The following C1GALT1 variants were observed in gnomAD, a reference collection of about 807,000 sequenced individuals.
The protein encoded by C1GALT1 is core 1 synthase, glycoprotein-N-acetylgalactosamine 3-beta-galactosyltransferase 1.
A neutral mutation model predicts 31.0 loss-of-function variants in C1GALT1; 11 were observed. That is an observed-to-expected ratio of 0.36 (90% CI 0.22 to 0.59). The LOEUF (loss-of-function observed/expected upper bound fraction) is 0.59. Ranked by LOEUF, C1GALT1 falls within the 20% of genes least tolerant of loss-of-function variation. The pLI is 0.79. For synonymous variants in C1GALT1, 175 were observed against 143.6 expected, an observed-to-expected ratio of 1.22 and a Z score of -1.56; for missense variants, 424 against 425.2, an observed-to-expected ratio of 1.00 and a Z score of 0.03.
chr7:7,236,736 G>A (rs751732755), intron 2 of C1GALT1, among the ~76,000 whole-genome samples: 2 of 151,990 alleles, frequency 1.3e-5, no homozygotes, highest in Non-Finnish European at 2.9e-5. Flanking sequence ...ATGTTGGCCA[G>A]GCTGGTCTCG....
chr7:7,184,372 A>G (rs777793962), intron 1 of C1GALT1, among the ~76,000 whole-genome samples: 3 of 152,178 alleles, frequency 2.0e-5, no homozygotes, highest in Non-Finnish European at 4.4e-5. Context: ...CTTCCTACTT[A>G]GGATTAAGCA....
Position 7,246,034 on chromosome 7 carries a change from G to A in C1GALT1, c.*2307G>A, listed in dbSNP as rs964023176. The A allele has an allele frequency of 1.3e-5, 2 of 152,178 alleles. No individual in the cohort carries two copies. The highest frequency in any genetic ancestry group is 1.3e-4 in the Admixed American group (2 of 15,274). 9.4% of individuals were successfully genotyped at this position (152,178 alleles called of 1,614,324 possible). A position where few individuals can be genotyped will look rare whatever the true frequency, so the allele number is the denominator to read the frequency against. ...TATTATTATTCTGTTACCTTGGAGT[G>A]TAAGTACTGCATTTAAGTGAATGAA... On this transcript the variant is annotated 3_prime_UTR_variant, in exon 4 of 4. Transcript: ENST00000436587.
chr7:7,175,166 T>C (rs191496979), intron 2 of C1GALT1, among the ~76,000 whole-genome samples: 1 of 152,330 alleles, frequency 6.6e-6, no homozygotes, highest in East Asian at 1.9e-4. Context: ...GTCAGTTTAT[T>C]TGATGCCTGT....
At chr7:7,196,548 G>C (rs192385500) in intron 1 of C1GALT1, among the ~76,000 whole-genome samples, 2 of 152,290 alleles carry the variant, frequency 1.3e-5, no homozygotes, top group East Asian at 3.9e-4. Context: ...CTTTATAGCA[G>C]CATGATTTGT....
chr7:7,224,365 G>A (rs1300136096), intron 1 of C1GALT1, among the ~76,000 whole-genome samples: 1 of 148,078 alleles, frequency 6.8e-6, no homozygotes, highest in Non-Finnish European at 1.5e-5. Flanking sequence ...TTTTGGAGGA[G>A]ATTGTACAAA....
intron 2 of C1GALT1, among the ~76,000 whole-genome samples, chr7:7,174,832 T>C (rs1780488259): frequency 6.6e-6 from 1 of 152,144 alleles, no homozygotes; most frequent in Non-Finnish European, 1.5e-5. Context: ...TCTCATCTTG[T>C]TCATACATCA....
chr7:7,189,425 A>G (rs938068327), intron 1 of C1GALT1, among the ~76,000 whole-genome samples: 1 of 152,218 alleles, frequency 6.6e-6, no homozygotes, highest in African/African-American at 2.4e-5. Context: ...ATCTGTGTCA[A>G]TAACAGCTGT....
intron 3 of C1GALT1, among the ~76,000 whole-genome samples, chr7:7,243,056 G>C (rs1473532333): frequency 2.0e-5 from 3 of 152,084 alleles, no homozygotes; most frequent in Admixed American, 6.5e-5. Flanking sequence ...TACATATATA[G>C]ATGAAGTGTA....
At chr7:7,226,038 C>G (rs1368587251) in intron 1 of C1GALT1, among the ~76,000 whole-genome samples, 1 of 152,078 alleles carries the variant, frequency 6.6e-6, no homozygotes, top group Non-Finnish European at 1.5e-5. Flanking sequence ...GTCTCATACT[C>G]AGTTTCTTCA....
intron 1 of C1GALT1, among the ~76,000 whole-genome samples, chr7:7,212,955 T>C (rs1343550806): frequency 1.3e-5 from 2 of 152,220 alleles, no homozygotes; most frequent in Admixed American, 1.3e-4. Flanking sequence ...TACAGTAGTA[T>C]ACCTTACTCA....
intron 2 of C1GALT1, among the ~76,000 whole-genome samples, chr7:7,161,764 A>T (rs896379395): frequency 7.2e-5 from 11 of 152,274 alleles, no homozygotes; most frequent in African/African-American, 2.6e-4. Flanking sequence ...TATTAAAAAA[A>T]TTAGAAATAT....
intron 2 of C1GALT1, among the ~76,000 whole-genome samples, chr7:7,161,288 G>GA (rs945108127): frequency 1.3e-5 from 2 of 151,618 alleles, no homozygotes; most frequent in African/African-American, 2.4e-5. Flanking sequence ...TTAACAGTGG[G>GA]AAAAAAAACC....
rs1783875852 is a variant in C1GALT1 at position 7,247,050 on chromosome 7, A to G, written c.*3323A>G. On this transcript the variant is annotated 3_prime_UTR_variant, in exon 4 of 4. Coordinates refer to ENST00000436587, the MANE Select transcript of C1GALT1 (RefSeq NM_020156.5). ...AGTACTAATAAGTACATAATTTATT[A>G]AAAACATACATAAGTGTCATCAAAA... is the stretch of plus-strand genomic sequence containing the variant. 1 of 152,198 alleles carries G rather than the reference A, an allele frequency of 6.6e-6. No homozygotes were observed. The highest frequency in any genetic ancestry group is 2.1e-4 in the South Asian group (1 of 4,834). The allele number at this position is 152,198 out of a possible 1,614,324, so 9.4% of individuals were successfully genotyped here. A position where few individuals can be genotyped will look rare whatever the true frequency, so the allele number is the denominator to read the frequency against.
chr7:7,174,974 C>A (rs559049815), intron 2 of C1GALT1, among the ~76,000 whole-genome samples: 147 of 152,146 alleles, frequency 9.7e-4, no homozygotes, highest in African/African-American at 3.4e-3. Context: ...GGGACAGTTT[C>A]TATCCATTTA....
chr7:7,201,121 C>T (rs563176064), intron 1 of C1GALT1, among the ~76,000 whole-genome samples: 1 of 152,168 alleles, frequency 6.6e-6, no homozygotes, highest in South Asian at 2.1e-4. Context: ...TGGTTTCTCC[C>T]CATCTTTGTG....
rs1390251576 is a variant in C1GALT1 at position 7,182,556 on chromosome 7, G to C, written c.-282G>C. On this transcript the variant is annotated 5_prime_UTR_variant, in exon 1 of 4. Coordinates refer to ENST00000436587, the MANE Select transcript of C1GALT1 (RefSeq NM_020156.5). The stretch of plus-strand genomic sequence containing the variant: ...AGACGTCAGCGCCAGGAGACTTCGG[G>C]TGGCGGCTGCGCCATAGGCGGGCCA... The C allele has an allele frequency of 6.6e-6, 1 of 152,520 alleles. No individual in the cohort carries two copies. Among genetic ancestry groups the C allele is most frequent in the Non-Finnish European group, 1.5e-5 (1 of 68,376 alleles). The allele number at this position is 152,520 out of a possible 1,614,324, so 9.4% of individuals were successfully genotyped here.
intron 1 of C1GALT1, among the ~76,000 whole-genome samples, chr7:7,191,344 A>C (rs534968949): frequency 6.6e-6 from 1 of 152,188 alleles, no homozygotes; most frequent in Non-Finnish European, 1.5e-5. Flanking sequence ...GCTGAATACT[A>C]TTCCATTGTA....
intron 1 of C1GALT1, among the ~76,000 whole-genome samples, chr7:7,193,953 G>A (rs1387436338): frequency 6.6e-6 from 1 of 151,752 alleles, no homozygotes; most frequent in African/African-American, 2.4e-5. Flanking sequence ...AAGAGTTTGA[G>A]TTCTTGATTT....
intron 1 of C1GALT1, among the ~76,000 whole-genome samples, chr7:7,205,870 C>G (rs1158283054): frequency 6.6e-6 from 1 of 152,046 alleles, no homozygotes; most frequent in Non-Finnish European, 1.5e-5. Context: ...AAATCTCTGC[C>G]TTTTGATTAG....
Sources: gnomAD v4.1 joint callset for allele counts (sites outside exome capture counted in the v4.1 genomes callset) on GRCh38, gnomAD v4.1.1 for gene constraint, MANE v1.5 for transcripts, NCBI Gene and HGNC (gene_info 2026-07-23, HGNC 2026-07-21) for gene names.